GRIN3A: variants seen among roughly 807,000 people sequenced by gnomAD.
GRIN3A encodes glutamate ionotropic receptor NMDA type subunit 3A, also known as glutamate receptor ionotropic, NMDA 3A.
A neutral mutation model predicts 92.4 loss-of-function variants in GRIN3A; 47 were observed. The observed-to-expected ratio is 0.51, with a 90% CI of 0.40 to 0.65. The LOEUF (loss-of-function observed/expected upper bound fraction) is 0.65. Ranked by LOEUF, GRIN3A falls within the 30% of genes least tolerant of loss-of-function variation. The pLI is 0.00. For missense variants in GRIN3A, 1,324 were observed against 1,393.1 expected (o/e 0.95, Z 0.79); for synonymous variants, 527 against 540.6 (o/e 0.97, Z 0.35).
rs1228705190 is a variant in GRIN3A, at chr9:101,636,751, A to C, written c.2353-8350T>G. The stretch of plus-strand genomic sequence containing the variant: ...GTGCCAGTTTATAGAATTAAAAGAC[A>C]AATAGCCCGTGACCTTTGGGTTTAT... On this transcript the variant is annotated intron_variant, in intron 3 of 8. Transcript: ENST00000361820. 2.6e-5 allele frequency among the ~76,000 whole-genome samples: 4 copies of C among 152,330 alleles called. No homozygotes were observed. In the East Asian group the frequency reaches 5.8e-4, roughly 22 times the overall value.
chr9:101,571,111 C>A lies in GRIN3A; in HGVS notation c.*2063G>T. The A allele has an allele frequency of 6.6e-6, 1 of 152,278 alleles. No homozygotes were observed. The allele number at this position is 152,278 out of a possible 1,614,324, so 9.4% of individuals were successfully genotyped here. ...AAGGCAGTTGCAACCTACTTCTGGG[C>A]CTGGGGTGAGAACGTGAGGGGATGG... On this transcript the variant is annotated 3_prime_UTR_variant, in exon 9 of 9. Coordinates refer to ENST00000361820, the MANE Select transcript of GRIN3A (RefSeq NM_133445.3).
intron 1 of GRIN3A, among the ~76,000 whole-genome samples, chr9:101,716,138 GA>G (rs1379153542): frequency 2.0e-5 from 3 of 151,956 alleles, no homozygotes; most frequent in African/African-American, 7.2e-5. Context: ...ATTAAGAGAG[GA>G]AAGGACAATG....
At chr9:101,636,377 A>G (rs1371195412) in intron 3 of GRIN3A, among the ~76,000 whole-genome samples, 1 of 152,196 alleles carries the variant, frequency 6.6e-6, no homozygotes, top group Admixed American at 6.5e-5. Context: ...GCACTGTGCC[A>G]GGATCTTAAA....
chr9:101,577,627 TTTTTA>T (rs1488749193), intron 8 of GRIN3A, 136 bp downstream of exon 8: 3 of 717,088 alleles, frequency 4.2e-6, no homozygotes, highest in Non-Finnish European at 7.4e-6. Flanking sequence ...CCATATACAT[TTTTTA>T]TTTTATGTTT....
chr9:101,602,522 C>T (rs1828224434), intron 6 of GRIN3A, among the ~76,000 whole-genome samples: 1 of 152,188 alleles, frequency 6.6e-6, no homozygotes, highest in African/African-American at 2.4e-5. Flanking sequence ...GACTGTCTCT[C>T]ACAATAGTCC....
rs1186294148 is a variant in GRIN3A at position 101,686,514 on chromosome 9, T to A, written c.1304+82A>T. On this transcript the variant is annotated intron_variant, in intron 2 of 8. Coordinates refer to ENST00000361820, the MANE Select transcript of GRIN3A (RefSeq NM_133445.3). Reference sequence around the variant, plus strand: ...TTTAAAGCTACTCAGAGTCAAGATTTCTGCAAAGCGGACAGATAGGGGAAT... The same window carrying A: ...TTTAAAGCTACTCAGAGTCAAGATTACTGCAAAGCGGACAGATAGGGGAAT... 4 of 1,494,282 alleles carry A rather than the reference T, an allele frequency of 2.7e-6. No homozygotes were observed. In the African/African-American group the frequency reaches 4.1e-5, roughly 15 times the overall value. The allele number at this position is 1,494,282 out of a possible 1,614,324, so 92.6% of individuals were successfully genotyped here.
In GRIN3A at chr9:101,570,888, T is replaced by A. The variant is rs1328494080; in HGVS notation, c.*2286A>T. On this transcript the variant is annotated 3_prime_UTR_variant, in exon 9 of 9. Transcript: ENST00000361820. ...TCCCTTAAACAGCCAGCTTCTCAAA[T>A]ACAGTCAGAATATGAGCTGAGTTAC... The A allele has an allele frequency of 6.6e-6, 1 of 152,650 alleles. No individual in the cohort carries two copies. Among genetic ancestry groups the A allele is most frequent in the East Asian group, 1.9e-4 (1 of 5,180 alleles). The allele number at this position is 152,650 out of a possible 1,614,324, so 9.5% of individuals were successfully genotyped here.
chr9:101,576,609 T>C (rs563229473), intron 8 of GRIN3A, among the ~76,000 whole-genome samples: 8 of 152,332 alleles, frequency 5.3e-5, no homozygotes, highest in Admixed American at 3.9e-4. Flanking sequence ...TTTGCTGCTA[T>C]GTCTTCTTGT....
rs199849379 is a variant in GRIN3A, at chr9:101,606,256, C to T, written c.2766+7120G>A. Among the ~76,000 whole-genome samples the T allele has an allele frequency of 5.3e-5, 8 of 152,302 alleles. No individual in the cohort carries two copies. In the East Asian group the frequency reaches 9.7e-4, roughly 18 times the overall value. ...TGGACATTCTTCTGCCCTTCCAGAT[C>T]GACTCTCCATCTTTCTTCCTCCTGC... On this transcript the variant is annotated intron_variant, in intron 6 of 8. Transcript: ENST00000361820.
chr9:101,693,517 A>C (rs1829646703), intron 1 of GRIN3A, among the ~76,000 whole-genome samples: 1 of 152,182 alleles, frequency 6.6e-6, no homozygotes, highest in Non-Finnish European at 1.5e-5. Flanking sequence ...TCTACTTGAT[A>C]AAAGCAACAT....
Position 101,738,280 on chromosome 9 carries a change from C to T in GRIN3A, c.-301G>A, listed in dbSNP as rs1830245899. On this transcript the variant is annotated 5_prime_UTR_variant, in exon 1 of 9. Transcript: ENST00000361820. ...CCGCAGCTGGAGCGCCCGTTCCCTG[C>T]CCGCCCCATCTGCAGGGCGCCTCGG... The T allele has an allele frequency of 6.8e-6, 3 of 441,364 alleles. No homozygotes were observed. The highest frequency in any genetic ancestry group is 1.2e-5 in the Non-Finnish European group (3 of 244,572). 27.3% of individuals were successfully genotyped at this position (441,364 alleles called of 1,614,324 possible). A position where few individuals can be genotyped will look rare whatever the true frequency, so the allele number is the denominator to read the frequency against.
At chr9:101,699,047 C>T (rs916569330) in intron 1 of GRIN3A, among the ~76,000 whole-genome samples, 1 of 152,146 alleles carries the variant, frequency 6.6e-6, no homozygotes, top group African/African-American at 2.4e-5. Context: ...TTTTAAAAAA[C>T]CTTTTTGACT....
intron 6 of GRIN3A, among the ~76,000 whole-genome samples, chr9:101,596,527 T>C (rs1457097635): frequency 1.3e-5 from 2 of 152,210 alleles, no homozygotes; most frequent in Non-Finnish European, 2.9e-5. Flanking sequence ...CTGTGTTCTT[T>C]CTAAAGCACA....
chr9:101,727,257 C>T (rs971292319), intron 1 of GRIN3A, among the ~76,000 whole-genome samples: 13 of 152,164 alleles, frequency 8.5e-5, no homozygotes, highest in Non-Finnish European at 1.5e-4. Flanking sequence ...ATATGAGAAG[C>T]GGTTTATAAT....
intron 1 of GRIN3A, among the ~76,000 whole-genome samples, chr9:101,723,468 C>G (rs1445007483): frequency 2.6e-5 from 4 of 152,144 alleles, no homozygotes; most frequent in African/African-American, 9.7e-5. Flanking sequence ...AAAGAGTGAG[C>G]AGTAGCAAGA....
rs759448579 is a variant in GRIN3A at position 101,573,383 on chromosome 9, G to C, written c.3139C>G (p.Pro1047Ala). 2 of 1,613,936 alleles carry C rather than the reference G, an allele frequency of 1.2e-6. No homozygotes were observed. Among genetic ancestry groups the C allele is most frequent in the Non-Finnish European group, 1.7e-6 (2 of 1,179,978 alleles). ...QLGIRIHQDI[P>A]LPPRRRELPA... ...AGCTCTCTTCTCCTTGGAGGGAGGGGGATGTCCTGGTGGATCCGGATGCCC... is the reference window on the plus strand; with the variant it reads ...AGCTCTCTTCTCCTTGGAGGGAGGGCGATGTCCTGGTGGATCCGGATGCCC... Residue 1047 changes from proline (P) to alanine (A), a missense_variant, in exon 9 of 9, where the codon CCC becomes GCC. Transcript: ENST00000361820.
intron 6 of GRIN3A, among the ~76,000 whole-genome samples, chr9:101,610,574 CATCTATCTATCTATCTATCTATCT>C (rs145593614): frequency 1.4e-5 from 2 of 139,338 alleles, no homozygotes; most frequent in African/African-American, 5.2e-5. Context: ...AGCTTGCATC[CATCTATCTATCTATCTATCTATCT>C]ATCTATCTAT....
At chr9:101,641,545 C>T (rs1828863387) in intron 3 of GRIN3A, among the ~76,000 whole-genome samples, 1 of 151,762 alleles carries the variant, frequency 6.6e-6, no homozygotes, top group African/African-American at 2.4e-5. Flanking sequence ...AAACCAAACA[C>T]TGCATGTTCT....
intron 2 of GRIN3A, among the ~76,000 whole-genome samples, chr9:101,678,485 A>T (rs755892843): frequency 3.3e-5 from 5 of 152,134 alleles, no homozygotes; most frequent in Non-Finnish European, 5.9e-5. Flanking sequence ...ATTGCATACA[A>T]GGCTCATCTT....
Sources: allele counts gnomAD v4.1 joint callset (sites outside exome capture counted in the v4.1 genomes callset), GRCh38; gene constraint gnomAD v4.1.1; transcripts MANE v1.5; gene names NCBI Gene and HGNC (gene_info 2026-07-23, HGNC 2026-07-21).